ZDHHC13: variants seen among roughly 807,000 people sequenced by gnomAD.
ZDHHC13 encodes palmitoyltransferase ZDHHC13.
ZDHHC13 carries 85 observed loss-of-function variants against 86.0 expected under a neutral mutation model. The ratio of observed to expected loss-of-function variants is 0.99; its 90% CI spans 0.83 to 1.18. The LOEUF (loss-of-function observed/expected upper bound fraction) is 1.18. ZDHHC13 is among the 50% of genes most tolerant of loss of function. The probability of loss-of-function intolerance (pLI) is 0.00; values close to 1 mark genes in which losing one functional copy is unlikely to be tolerated. For synonymous variants in ZDHHC13, 263 were observed against 246.4 expected (o/e 1.07, Z -0.63); for missense variants, 711 against 730.2 (o/e 0.97, Z 0.30).
intron 1 of ZDHHC13, among the ~76,000 whole-genome samples, chr11:19,126,376 A>C: frequency 7.5e-6 from 1 of 133,932 alleles, no homozygotes; most frequent in African/African-American, 2.8e-5. Context: ...TTGCTCTGTC[A>C]CCCAAGCTGG....
intron 6 of ZDHHC13, 75 bp from the exon 7 acceptor site, chr11:19,152,083 G>T: frequency 1.4e-6 from 2 of 1,476,966 alleles, no homozygotes; most frequent in South Asian, 1.3e-5. Context: ...TATCTTAAAA[G>T]ATTCATAATT....
chr11:19,158,905 A>T (rs371534357), intron 9 of ZDHHC13, 35 bp from the exon 10 acceptor site: 42 of 1,369,192 alleles, frequency 3.1e-5, no homozygotes, highest in South Asian at 2.8e-4. Context: ...AATACAAGTC[A>T]TACTAATAAC....
intron 8 of ZDHHC13, among the ~76,000 whole-genome samples, chr11:19,153,230 C>G (rs1565034301): frequency 6.6e-6 from 1 of 152,022 alleles, no homozygotes; most frequent in African/African-American, 2.4e-5. Flanking sequence ...CTTAGCAATT[C>G]TGTGTGGTGT....
intron 1 of ZDHHC13, among the ~76,000 whole-genome samples, chr11:19,140,222 A>G (rs1278687791): frequency 1.3e-5 from 2 of 151,844 alleles, no homozygotes; most frequent in Admixed American, 6.6e-5. Flanking sequence ...TTTACAAGAA[A>G]AAAACAAACA....
intron 1 of ZDHHC13, among the ~76,000 whole-genome samples, chr11:19,129,851 G>A (rs1848951178): frequency 6.6e-6 from 1 of 152,168 alleles, no homozygotes; most frequent in African/African-American, 2.4e-5. Context: ...CCAGCACTTT[G>A]GGAGGCCGAG....
chr11:19,123,934 C>T (rs776733502), intron 1 of ZDHHC13, among the ~76,000 whole-genome samples: 3 of 152,050 alleles, frequency 2.0e-5, no homozygotes, highest in Non-Finnish European at 2.9e-5. Flanking sequence ...AGAAAGAACA[C>T]GTATATACTT....
rs181154745 is a variant in ZDHHC13, at chr11:19,150,007, C to A, written c.519+676C>A. 2.6e-3 allele frequency among the ~76,000 whole-genome samples: 398 copies of A among 152,300 alleles called. 2 individuals carry two copies. Among genetic ancestry groups the A allele is most frequent in the African/African-American group, 9.1e-3 (380 of 41,562 alleles). On this transcript the variant is annotated intron_variant, in intron 5 of 16. Transcript: ENST00000446113. The stretch of plus-strand genomic sequence containing the variant: ...AGTAGAATTATAACCTCCTAGGTTT[C>A]ATTGTTGGAAAAATATAAATATATG...
rs908749813 is a variant in ZDHHC13 at position 19,117,626 on chromosome 11, T to G, written c.27+350T>G. On this transcript the variant is annotated intron_variant, in intron 1 of 16. Transcript: ENST00000446113. This position sits in a 1 kb window ranked among gnomAD's most constrained non-coding sequence, Gnocchi z 4.2. ...CGGGAGAGGTGTCAGGTGACACACC[T>G]GATTCGGACCCGCCCGTCTTGACGT... The G allele has an allele frequency of 1.4e-5, 4 of 295,158 alleles. No individual in the cohort carries two copies. The highest frequency in any genetic ancestry group is 2.2e-5 in the African/African-American group (1 of 46,044). 18.3% of individuals were successfully genotyped at this position (295,158 alleles called of 1,614,324 possible).
At position 19,175,680 on chromosome 11, in the gene ZDHHC13, G is replaced by C. The variant is rs541115116; in HGVS notation, c.1731-142G>C. On this transcript the variant is annotated intron_variant, in intron 16 of 16. Coordinates refer to ENST00000446113, the MANE Select transcript of ZDHHC13 (RefSeq NM_019028.3). ...CAGTTTTAAGGTACCAGAAGCCCAG[G>C]AACTATCTGATCTACCCCATCTACC... is the stretch of plus-strand genomic sequence containing the variant. The C allele has an allele frequency of 1.2e-4, 102 of 882,960 alleles. No individual in the cohort carries two copies. The African/African-American group carries it at 1.6e-3, about 14-fold the overall frequency. The allele number at this position is 882,960 out of a possible 1,614,324, so 54.7% of individuals were successfully genotyped here.
chr11:19,158,813 C>T, intron 9 of ZDHHC13, 127 bp from the exon 10 acceptor site: 2 of 598,406 alleles, frequency 3.3e-6, no homozygotes. Flanking sequence ...ATAGTAAGCA[C>T]TCAGTATGTG....
intron 8 of ZDHHC13, 144 bp downstream of exon 8, chr11:19,152,828 T>C: frequency 7.6e-7 from 1 of 1,322,338 alleles, no homozygotes; most frequent in Admixed American, 2.5e-5. Context: ...CGCATCCTAT[T>C]ACCCAAAGTT....
chr11:19,152,263 T>G lies in ZDHHC13; in HGVS notation c.690T>G (p.Val230=), dbSNP rs574386920. The G allele has an allele frequency of 6.2e-7, 1 of 1,613,448 alleles. No individual in the cohort carries two copies. The highest frequency in any genetic ancestry group is 1.7e-5 in the Admixed American group (1 of 59,986). The part of the protein sequence containing the change: ...PLHWAVAAGN[V]NAVDKLLEAG... ...ACTGGGCAGTTGCAGCAGGAAATGTTAATGCAGTTGATAAGCTTTTGGAAG... is the reference window on the plus strand; with the variant it reads ...ACTGGGCAGTTGCAGCAGGAAATGTGAATGCAGTTGATAAGCTTTTGGAAG... The change falls in exon 7 of 17, where the codon GTT becomes GTG. Residue 230 remains valine, a synonymous_variant. Transcript: ENST00000446113.
intron 10 of ZDHHC13, among the ~76,000 whole-genome samples, chr11:19,162,144 T>G (rs1849928784): frequency 6.6e-6 from 1 of 152,156 alleles, no homozygotes; most frequent in Non-Finnish European, 1.5e-5. Flanking sequence ...ATGCACTATG[T>G]AGAATGGGCA....
At chr11:19,118,525 T>C (rs1848694601) in intron 1 of ZDHHC13, among the ~76,000 whole-genome samples, 1 of 152,240 alleles carries the variant, frequency 6.6e-6, no homozygotes, top group Non-Finnish European at 1.5e-5. Context: ...GAGTAACTAT[T>C]ATGTCTTAAT....
At chr11:19,166,272 T>G (rs377700533) in intron 13 of ZDHHC13, 30 bp from the exon 14 acceptor site, 4 of 1,567,798 alleles carry the variant, frequency 2.6e-6, no homozygotes, top group Non-Finnish European at 3.5e-6. Flanking sequence ...AACGAAAATA[T>G]TAAGTATGTT....
intron 1 of ZDHHC13, 83 bp from the exon 2 acceptor site, chr11:19,142,895 G>A (rs1310621123): frequency 7.3e-7 from 1 of 1,377,000 alleles, no homozygotes; most frequent in Non-Finnish European, 9.7e-7. Context: ...TATAGATATT[G>A]TTGATAGTAG....
chr11:19,172,707 C>T lies in ZDHHC13; in HGVS notation c.1633-16C>T, dbSNP rs143223893. ...TGCACACTGAATGTGTGCAACCTTCCACCCTTCTTTTTCAGATTGCCTTTC... is the reference window on the plus strand; with the variant it reads ...TGCACACTGAATGTGTGCAACCTTCTACCCTTCTTTTTCAGATTGCCTTTC... On this transcript the variant is annotated splice_polypyrimidine_tract_variant and intron_variant, in intron 15 of 16. Transcript: ENST00000446113. The T allele has an allele frequency of 7.4e-5, 117 of 1,574,876 alleles. No homozygotes were observed. The African/African-American group carries it at 1.3e-3, about 18-fold the overall frequency.
rs1212538593 is a variant in ZDHHC13 at position 19,117,430 on chromosome 11, C to T, written c.27+154C>T. ...AGCGGGAGCCTGGAAACACCACGAA[C>T]GATGCTGGAAATTGTCTCTGAGGCG... On this transcript the variant is annotated intron_variant, in intron 1 of 16. Transcript: ENST00000446113. The surrounding 1 kb of genome is among the most constrained non-coding windows in gnomAD (Gnocchi z 4.2). Among the ~76,000 whole-genome samples the T allele has an allele frequency of 6.6e-6, 1 of 152,102 alleles. No individual in the cohort carries two copies. The highest frequency in any genetic ancestry group is 1.9e-4 in the East Asian group (1 of 5,168).
At chr11:19,164,720 G>A in intron 12 of ZDHHC13, 1 of 414,498 alleles carries the variant, frequency 2.4e-6, no homozygotes, top group South Asian at 3.2e-5. Context: ...AAGGGAGGAA[G>A]TAAATTCTCC....
Sources: allele counts gnomAD v4.1 joint callset (sites outside exome capture counted in the v4.1 genomes callset), GRCh38; gene constraint gnomAD v4.1.1; non-coding constraint Gnocchi (gnomAD v3.1); transcripts MANE v1.5; gene names NCBI Gene and HGNC (gene_info 2026-07-23, HGNC 2026-07-21).